MTMR8: variants seen among roughly 807,000 people sequenced by gnomAD.
MTMR8 encodes the protein myotubularin related protein 8, also known as phosphatidylinositol-3,5-bisphosphate 3-phosphatase MTMR8.
Under a neutral mutation model 39.3 loss-of-function variants are expected in MTMR8, and 65 were observed. The ratio of observed to expected loss-of-function variants is 1.65; its 90% CI spans 1.35 to 2.03. The LOEUF (loss-of-function observed/expected upper bound fraction) is 2.03, where lower values mean the gene tolerates loss of function less well. Among genes scored for constraint, MTMR8 ranks in the 30% most tolerant of loss-of-function variants. The probability of loss-of-function intolerance (pLI) is 0.00; values close to 1 mark genes in which losing one functional copy is unlikely to be tolerated. For synonymous variants in MTMR8, 245 were observed against 185.2 expected (o/e 1.32, Z -2.62); for missense variants, 777 against 538.9 (o/e 1.44, Z -4.37).
intron 10 of MTMR8, among the ~76,000 whole-genome samples, chrX:64,332,015 A>G (rs1173355629): frequency 8.9e-6 from 1 of 111,972 alleles, no homozygotes; most frequent in Admixed American, 9.5e-5. Context: ...TTCCAATAGA[A>G]CTTTCTGCAA....
intron 13 of MTMR8, among the ~76,000 whole-genome samples, chrX:64,270,373 G>T (rs755085223): frequency 8.9e-6 from 1 of 112,007 alleles, no homozygotes; most frequent in Admixed American, 9.4e-5. Flanking sequence ...TTTCTAAGAG[G>T]TACCTTTCCC....
chrX:64,312,311 T>C (rs1922334639), intron 12 of MTMR8, among the ~76,000 whole-genome samples: 1 of 111,736 alleles, frequency 8.9e-6, no homozygotes, highest in Admixed American at 9.5e-5. Flanking sequence ...GTTTGTTTGT[T>C]ATTGGTGTAT....
chrX:64,320,775 C>T (rs1325633870), intron 12 of MTMR8, among the ~76,000 whole-genome samples: 2 of 111,201 alleles, frequency 1.8e-5, no homozygotes, highest in African/African-American at 6.6e-5. Flanking sequence ...GTGAAAAGAC[C>T]CTAAGCTTTC....
intron 2 of MTMR8, among the ~76,000 whole-genome samples, chrX:64,356,906 A>G (rs1923641086): frequency 9.0e-6 from 1 of 111,258 alleles, no homozygotes; most frequent in African/African-American, 3.3e-5. Flanking sequence ...CAGAATTTGA[A>G]CCATAGCAGT....
At chrX:64,305,608 C>A (rs1328717762) in intron 12 of MTMR8, 61 of 521,087 alleles carry the variant, frequency 1.2e-4, no homozygotes, top group Non-Finnish European at 1.3e-4. Flanking sequence ...GTCTGAACCA[C>A]CCGGCGGCTG....
intron 12 of MTMR8, among the ~76,000 whole-genome samples, chrX:64,273,090 C>T (rs961835770): frequency 9.0e-6 from 1 of 111,005 alleles, no homozygotes; most frequent in Non-Finnish European, 1.9e-5. Flanking sequence ...TGAAAGAATG[C>T]TAAATAGCAA....
chrX:64,369,324 T>C (rs1000182140), intron 1 of MTMR8, among the ~76,000 whole-genome samples: 3 of 111,968 alleles, frequency 2.7e-5, no homozygotes, highest in Non-Finnish European at 5.6e-5. Flanking sequence ...TGTGTGTTTA[T>C]TGCGGCACTA....
chrX:64,331,458 C>T (rs1041080742), intron 11 of MTMR8, 99 bp downstream of exon 11: 3 of 719,931 alleles, frequency 4.2e-6, no homozygotes, highest in Admixed American at 2.8e-5. Flanking sequence ...TATCTCCTCC[C>T]CTTTCTTGAC....
chrX:64,324,179 C>A (rs1447296407), intron 12 of MTMR8, among the ~76,000 whole-genome samples: 3 of 111,145 alleles, frequency 2.7e-5, no homozygotes, highest in Non-Finnish European at 5.7e-5. Flanking sequence ...GCCTGGGCAA[C>A]AAAGCAAGAC....
At chrX:64,391,883 C>G (rs185903322) in intron 1 of MTMR8, among the ~76,000 whole-genome samples, 1 of 112,196 alleles carries the variant, frequency 8.9e-6, no homozygotes, top group East Asian at 2.8e-4. Context: ...AGTATGCACT[C>G]TTAAACCACA....
intron 1 of MTMR8, among the ~76,000 whole-genome samples, chrX:64,366,216 G>C (rs1482777776): frequency 3.6e-5 from 4 of 111,281 alleles, no homozygotes; most frequent in Non-Finnish European, 5.7e-5. Flanking sequence ...AGGTTAAAAA[G>C]GATATCCAGG....
intron 12 of MTMR8, among the ~76,000 whole-genome samples, chrX:64,326,399 A>G (rs1922795431): frequency 8.9e-6 from 1 of 112,096 alleles, no homozygotes; most frequent in East Asian, 2.8e-4. Context: ...TTATACATCA[A>G]TAGTAAACTA....
At chrX:64,351,987 TCAATC>T (rs887934678) in intron 4 of MTMR8, among the ~76,000 whole-genome samples, 10 of 111,087 alleles carry the variant, frequency 9.0e-5, no homozygotes, top group Non-Finnish European at 1.5e-4. Flanking sequence ...TTTGCATACT[TCAATC>T]CAATCAAATT....
intron 12 of MTMR8, among the ~76,000 whole-genome samples, chrX:64,279,656 C>T (rs1480694506): frequency 9.0e-6 from 1 of 111,643 alleles, no homozygotes; most frequent in Admixed American, 9.5e-5. Flanking sequence ...TATGGAATTG[C>T]AAGGGACCCT....
chrX:64,332,041 A>G (rs1922957390), intron 10 of MTMR8, among the ~76,000 whole-genome samples: 1 of 111,947 alleles, frequency 8.9e-6, no homozygotes, highest in Non-Finnish European at 1.9e-5. Context: ...GAAAATTTCT[A>G]CAGTTGTGTT....
At chrX:64,316,052 A>G (rs1301282094) in intron 12 of MTMR8, among the ~76,000 whole-genome samples, 2 of 111,710 alleles carry the variant, frequency 1.8e-5, no homozygotes, top group East Asian at 5.6e-4. Context: ...TATTTATAAT[A>G]TAATTATCTT....
At chrX:64,381,759 C>T (rs1306758098) in intron 1 of MTMR8, among the ~76,000 whole-genome samples, 1 of 111,130 alleles carries the variant, frequency 9.0e-6, no homozygotes, top group Non-Finnish European at 1.9e-5. Context: ...AGTCTTTAAT[C>T]CATCTTGAAT....
At chrX:64,328,963 T>C (rs1028251640) in intron 11 of MTMR8, 63 bp from the exon 12 acceptor site, 25 of 1,067,867 alleles carry the variant, frequency 2.3e-5, no homozygotes, top group African/African-American at 2.3e-4. Context: ...TCAATAGTCC[T>C]GTTGAACTGA....
At position 64,351,145 on chromosome X, in the gene MTMR8, A is replaced by G. The variant is rs896840101; in HGVS notation, c.469-1075T>C. Reference sequence around the variant, plus strand: ...CCATTCAGCTTAGAAGGTTATACACATCAAAAAGACCAACAAGAGTATTTC... The same window carrying G: ...CCATTCAGCTTAGAAGGTTATACACGTCAAAAAGACCAACAAGAGTATTTC... On this transcript the variant is annotated intron_variant, in intron 4 of 13. Transcript: ENST00000374852. 4.5e-5 allele frequency among the ~76,000 whole-genome samples: 5 copies of G among 111,165 alleles called. No homozygotes were observed. The East Asian group carries it at 1.4e-3, about 32-fold the overall frequency.
Sources: allele counts gnomAD v4.1 joint callset (sites outside exome capture counted in the v4.1 genomes callset), GRCh38; gene constraint gnomAD v4.1.1; transcripts MANE v1.5; gene names NCBI Gene and HGNC (gene_info 2026-07-23, HGNC 2026-07-21).